ZZEF1: variants seen among roughly 807,000 people sequenced by gnomAD.
The protein encoded by ZZEF1 is zinc finger ZZ-type and EF-hand domain-containing protein 1.
A neutral mutation model predicts 342.8 loss-of-function variants in ZZEF1; 157 were observed. The observed-to-expected ratio is 0.46, with a 90% CI of 0.40 to 0.52. The LOEUF (loss-of-function observed/expected upper bound fraction) is 0.52, where lower values mean the gene tolerates loss of function less well. Ranked by LOEUF, ZZEF1 falls within the 20% of genes least tolerant of loss-of-function variation. ZZEF1 has a pLI of 0.00. For missense variants in ZZEF1, 3,480 were observed against 3,725.6 expected (o/e 0.93, Z 1.72); for synonymous variants, 1,505 against 1,429.1 (o/e 1.05, Z -1.20).
intron 16 of ZZEF1, among the ~76,000 whole-genome samples, chr17:4,083,787 G>A (rs779707546): frequency 8.6e-5 from 13 of 152,034 alleles, no homozygotes; most frequent in Admixed American, 3.3e-4. Context: ...ACAGGCATGT[G>A]CCACCACGCC....
intron 1 of ZZEF1, among the ~76,000 whole-genome samples, chr17:4,135,023 A>G (rs550418726): frequency 6.6e-6 from 1 of 152,214 alleles, no homozygotes; most frequent in Non-Finnish European, 1.5e-5. Flanking sequence ...ACAGGGCTAG[A>G]GGTCAGAATA....
At chr17:4,116,453 T>C (rs1443827987) in intron 3 of ZZEF1, among the ~76,000 whole-genome samples, 2 of 152,258 alleles carry the variant, frequency 1.3e-5, no homozygotes, top group African/African-American at 4.8e-5. Context: ...TATCGGCGTC[T>C]ATGCCTGGGC....
intron 43 of ZZEF1, among the ~76,000 whole-genome samples, chr17:4,023,585 G>A (rs1426494169): frequency 2.0e-5 from 3 of 149,314 alleles, no homozygotes; most frequent in Admixed American, 6.8e-5. Context: ...TTCAAGAGGC[G>A]GAGGTGGAAG....
chr17:4,036,843 T>TCC (rs2056683881), intron 39 of ZZEF1, among the ~76,000 whole-genome samples: 16 of 113,638 alleles, frequency 1.4e-4, no homozygotes, highest in Non-Finnish European at 2.7e-4. Context: ...TCTCTCTCTC[T>TCC]CCCCGCACCC....
chr17:4,054,320 A>G (rs2057111079), intron 33 of ZZEF1, 125 bp from the exon 34 acceptor site: 2 of 1,051,528 alleles, frequency 1.9e-6, no homozygotes. Flanking sequence ...CTAGGATTTG[A>G]TAATGAATAA....
intron 44 of ZZEF1, among the ~76,000 whole-genome samples, chr17:4,022,080 A>C (rs935620489): frequency 5.3e-5 from 8 of 152,216 alleles, no homozygotes; most frequent in African/African-American, 1.9e-4. Context: ...AACCTAACCA[A>C]ATCCTCTTCT....
intron 42 of ZZEF1, among the ~76,000 whole-genome samples, chr17:4,030,627 C>T (rs2056521467): frequency 6.6e-6 from 1 of 152,196 alleles, no homozygotes; most frequent in East Asian, 1.9e-4. Context: ...ATCAGCCTCC[C>T]AGGTAGCTGG....
intron 36 of ZZEF1, 27 bp from the exon 37 acceptor site, chr17:4,049,886 G>C: frequency 6.2e-7 from 1 of 1,607,088 alleles, no homozygotes; most frequent in Non-Finnish European, 8.5e-7. Context: ...TCAGAGAATG[G>C]TTAGAAGTTT....
At chr17:4,055,448 A>G (rs866649631) in intron 33 of ZZEF1, among the ~76,000 whole-genome samples, 5 of 152,232 alleles carry the variant, frequency 3.3e-5, no homozygotes, top group African/African-American at 1.2e-4. Context: ...AGATGGACAC[A>G]GTGGGCTATC....
At chr17:4,007,685 T>C (rs2055838109) in intron 54 of ZZEF1, among the ~76,000 whole-genome samples, 1 of 151,904 alleles carries the variant, frequency 6.6e-6, no homozygotes, top group South Asian at 2.1e-4. Flanking sequence ...TAGGTAGCTG[T>C]TGGGGGTAAG....
Position 4,069,919 on chromosome 17 carries a change from G to A in ZZEF1, c.4075+765C>T, listed in dbSNP as rs142175744. 1.4e-3 allele frequency among the ~76,000 whole-genome samples: 211 copies of A among 152,326 alleles called. 2 individuals are homozygous for A. Among genetic ancestry groups the A allele is most frequent in the African/African-American group, 4.7e-3 (195 of 41,576 alleles). On this transcript the variant is annotated intron_variant, in intron 26 of 54. Coordinates refer to ENST00000381638, the MANE Select transcript of ZZEF1 (RefSeq NM_015113.4). ...CTCTGTTTTTGCTTCTCCCGCCTGC[G>A]CTGCGTGGAGAAGACATACCCTGCC...
Position 4,076,915 on chromosome 17 carries a change from C to T in ZZEF1, c.3064G>A (p.Val1022Ile). ...LFSQYSGKTIVERLCNSVFSM... is the reference protein window; with the variant it reads ...LFSQYSGKTIIERLCNSVFSM... Reference sequence around the variant, plus strand: ...AACACTGAGTTACATAATCTTTCTACTATGGTTTTTCCACTGTACTGTGAG... The same window carrying T: ...AACACTGAGTTACATAATCTTTCTATTATGGTTTTTCCACTGTACTGTGAG... The change falls in exon 20 of 55, where the codon GTA becomes ATA. Residue 1022 changes from valine (V) to isoleucine (I), a missense_variant. Physicochemically the swap from Val to Ile is conservative, Grantham distance 29. Transcript: ENST00000381638. The T allele has an allele frequency of 6.2e-7, 1 of 1,614,210 alleles. No homozygotes were observed. The highest frequency in any genetic ancestry group is 1.1e-5 in the South Asian group (1 of 91,086).
chr17:4,098,546 A>C (rs896481144), intron 9 of ZZEF1, among the ~76,000 whole-genome samples: 1 of 152,242 alleles, frequency 6.6e-6, no homozygotes, highest in African/African-American at 2.4e-5. Context: ...CTCATGAAAA[A>C]GTCTTCTGCT....
At chr17:4,105,280 A>G (rs2145451258) in intron 7 of ZZEF1, among the ~76,000 whole-genome samples, 1 of 152,340 alleles carries the variant, frequency 6.6e-6, no homozygotes, top group African/African-American at 2.4e-5. Flanking sequence ...ACTGAGGCAG[A>G]AGTGAGTGTC....
Position 4,032,998 on chromosome 17 carries a change from C to G in ZZEF1, c.6589G>C (p.Val2197Leu). The change falls in exon 41 of 55, where the codon GTG becomes CTG. Residue 2197 changes from valine to leucine, a missense_variant. Val to Leu is a conservative substitution (Grantham distance 32). This residue lies in a region of ZZEF1 where 1,269 missense variants were observed against 1,342.4 expected (regional missense o/e 0.95). Transcript: ENST00000381638. ...ATGGAGCACGCCCAGTCCAAGCCCA[C>G]CCGGCTGGAAGGCAAGAGCTCCATT... ...SLGAVCLDSR[V>L]GLDWACSMAE... 1 of 1,566,938 alleles carries G rather than the reference C, an allele frequency of 6.4e-7. No homozygotes were observed. The highest frequency in any genetic ancestry group is 8.7e-7 in the Non-Finnish European group (1 of 1,155,148).
At chr17:4,081,543 T>A in intron 17 of ZZEF1, 53 bp from the exon 18 acceptor site, 2 of 1,442,760 alleles carry the variant, frequency 1.4e-6, no homozygotes, top group South Asian at 2.3e-5. Context: ...AAGATTTTTA[T>A]ACTATTTTAA....
rs977900720 is a variant in ZZEF1, at chr17:4,142,652, G to A, written c.244C>T (p.Arg82Cys). The A allele has an allele frequency of 1.2e-6, 2 of 1,607,314 alleles. No individual in the cohort carries two copies. Among genetic ancestry groups the A allele is most frequent in the African/African-American group, 1.3e-5 (1 of 74,904 alleles). ...LVSRHRGALF[R>C]WLEERLGRGE... ...CGGCCCAGCCGCTCTTCCAGCCAGC[G>A]AAACAACGCGCCGCGATGCCTCGAC... Residue 82 changes from arginine to cysteine, a missense_variant, in exon 1 of 55, where the codon CGC (arginine) becomes TGC (cysteine). By Grantham distance (180) the Arg-to-Cys change is radical. Coordinates refer to ENST00000381638, the MANE Select transcript of ZZEF1 (RefSeq NM_015113.4).
At chr17:4,038,010 G>A (rs571760172) in intron 39 of ZZEF1, among the ~76,000 whole-genome samples, 1 of 152,314 alleles carries the variant, frequency 6.6e-6, no homozygotes, top group South Asian at 2.1e-4. Context: ...GATGACTGCT[G>A]TCTGGTTACA....
Position 4,016,505 on chromosome 17 carries a change from T to C in ZZEF1, c.8002-39A>G. 2 of 1,575,090 alleles carry C rather than the reference T, an allele frequency of 1.3e-6. No homozygotes were observed. Among genetic ancestry groups the C allele is most frequent in the Non-Finnish European group, 1.7e-6 (2 of 1,167,904 alleles). ...GACAGATAAGGTCAGGGCCTGCAAG[T>C]GGCATCAGGAAGAAGGGACAGTTTA... On this transcript the variant is annotated intron_variant, in intron 48 of 54. Coordinates refer to ENST00000381638, the MANE Select transcript of ZZEF1 (RefSeq NM_015113.4). This position sits in a 1 kb window ranked among gnomAD's most constrained non-coding sequence, Gnocchi z 4.4.
Sources: gnomAD v4.1 joint callset for allele counts (sites outside exome capture counted in the v4.1 genomes callset) on GRCh38, gnomAD v4.1.1 for gene constraint, gnomAD v4.1.1 regional missense constraint, Gnocchi (gnomAD v3.1) non-coding constraint, MANE v1.5 for transcripts, NCBI Gene and HGNC (gene_info 2026-07-23, HGNC 2026-07-21) for gene names.